Variants in CEP95 observed in about 807,000 individuals in gnomAD.
The protein encoded by CEP95 is centrosomal protein of 95 kDa.
Under a neutral mutation model 111.2 loss-of-function variants are expected in CEP95, and 98 were observed. The observed-to-expected ratio is 0.88, with a 90% CI of 0.75 to 1.04. CEP95 has a LOEUF of 1.04. CEP95 is among the 50% of genes least tolerant of loss of function. CEP95 has a pLI of 0.00. For synonymous variants in CEP95, 323 were observed against 327.1 expected (o/e 0.99, Z 0.14); for missense variants, 1,027 against 977.2 (o/e 1.05, Z -0.68).
chr17:64,528,168 A>G (rs1467675983), intron 11 of CEP95, among the ~76,000 whole-genome samples: 2 of 152,082 alleles, frequency 1.3e-5, no homozygotes, highest in Non-Finnish European at 2.9e-5. Flanking sequence ...TTGATATGCC[A>G]TTGTTCAAAT....
Position 64,521,456 on chromosome 17 carries a change from C to G in CEP95, c.644C>G (p.Ser215Cys), listed in dbSNP as rs1967330508. ...LSKKALASPS[S>C]KSHEDMLYPP... Reference sequence around the variant, plus strand: ...AAAAAAGCCTTAGCCTCACCAAGTTCTAAATCACATGAAGATATGTTGTAC... The same window carrying G: ...AAAAAAGCCTTAGCCTCACCAAGTTGTAAATCACATGAAGATATGTTGTAC... The change falls in exon 7 of 20, where the codon TCT becomes TGT. Residue 215 changes from serine (S) to cysteine (C), a missense_variant. By Grantham distance (112) the Ser-to-Cys change is moderately radical (BLOSUM62 -1). Transcript: ENST00000556440. The G allele has an allele frequency of 6.2e-7, 1 of 1,612,572 alleles. No individual in the cohort carries two copies. The highest frequency in any genetic ancestry group is 1.7e-5 in the Admixed American group (1 of 59,982).
chr17:64,523,919 A>G (rs1451514259), intron 8 of CEP95, among the ~76,000 whole-genome samples: 1 of 152,204 alleles, frequency 6.6e-6, no homozygotes, highest in Non-Finnish European at 1.5e-5. Context: ...AATAAGAAAA[A>G]CAACAGGCAG....
chr17:64,508,007 C>G, intron 1 of CEP95: 1 of 985,212 alleles, frequency 1.0e-6, no homozygotes, highest in Non-Finnish European at 1.2e-6. Flanking sequence ...CCCATATTTT[C>G]TTTCATATAG....
rs1284055630 is a variant in CEP95, at chr17:64,519,254, T to C, written c.474-67T>C. 29 of 990,976 alleles carry C rather than the reference T, an allele frequency of 2.9e-5. 1 individual carries two copies. Among genetic ancestry groups the C allele is most frequent in the Admixed American group, 2.7e-4 (14 of 51,528 alleles). 61.4% of individuals were successfully genotyped at this position (990,976 alleles called of 1,614,324 possible). A position where few individuals can be genotyped will look rare whatever the true frequency, so the allele number is the denominator to read the frequency against. ...TTCCTTTTTCTGCACCCAGCAGCTC[T>C]CCAGGTCCTCAGGGGAAGGGCCCTC... On this transcript the variant is annotated intron_variant, in intron 5 of 19. Coordinates refer to ENST00000556440, the MANE Select transcript of CEP95 (RefSeq NM_138363.3).
At chr17:64,515,212 C>CA (rs1555676092) in intron 4 of CEP95, among the ~76,000 whole-genome samples, 1 of 152,128 alleles carries the variant, frequency 6.6e-6, no homozygotes, top group African/African-American at 2.4e-5. Context: ...AGCTGCTTGT[C>CA]ATGTTGATAC....
rs115662007 is a variant in CEP95, at chr17:64,507,845, C to G, written c.19+729C>G. On this transcript the variant is annotated intron_variant, in intron 1 of 19. Coordinates refer to ENST00000556440, the MANE Select transcript of CEP95 (RefSeq NM_138363.3). ...GATTGAAAGTGCTTTCCTACCAATT[C>G]CCAGGCATTTCAAGGAACAAGTATT... 1.8e-3 allele frequency: 1,740 copies of G among 985,356 alleles called. 22 individuals carry two copies. The African/African-American group carries it at 0.028, about 16-fold the overall frequency. The allele number at this position is 985,356 out of a possible 1,614,324, so 61.0% of individuals were successfully genotyped here.
chr17:64,510,313 C>T (rs1235496652), intron 3 of CEP95, 33 bp downstream of exon 3: 4 of 1,250,164 alleles, frequency 3.2e-6, no homozygotes, highest in Admixed American at 3.7e-5. Flanking sequence ...CATAATTATG[C>T]ATTTTAGTAA....
intron 4 of CEP95, 58 bp downstream of exon 4, chr17:64,514,416 CT>C (rs1266579210): frequency 7.9e-6 from 6 of 758,658 alleles, no homozygotes; most frequent in South Asian, 7.8e-5. Context: ...TCCCTTTTGC[CT>C]TTTATCTTTT....
At chr17:64,534,295 C>T (rs921690374) in intron 16 of CEP95, 1 of 311,124 alleles carries the variant, frequency 3.2e-6, no homozygotes, top group Non-Finnish European at 6.0e-6. Context: ...GAGGTGGCAT[C>T]TGGGCCAGCC....
chr17:64,533,660 TTATA>T (rs1968444908), intron 16 of CEP95, among the ~76,000 whole-genome samples: 1 of 152,086 alleles, frequency 6.6e-6, no homozygotes, highest in Non-Finnish European at 1.5e-5. Flanking sequence ...GCTAGGTACT[TTATA>T]TACACAGTTT....
chr17:64,511,680 A>T (rs1555675098), intron 3 of CEP95, among the ~76,000 whole-genome samples: 1 of 152,238 alleles, frequency 6.6e-6, no homozygotes, highest in Non-Finnish European at 1.5e-5. Context: ...CTCGGTTTAC[A>T]AGATGACAGG....
intron 11 of CEP95, 96 bp downstream of exon 11, chr17:64,527,360 G>T: frequency 1.1e-6 from 1 of 932,140 alleles, no homozygotes; most frequent in Non-Finnish European, 1.5e-6. Context: ...ATTTTAAATA[G>T]TTGAGAAATA....
intron 6 of CEP95, among the ~76,000 whole-genome samples, chr17:64,520,785 T>C (rs1967266497): frequency 6.6e-6 from 1 of 152,234 alleles, no homozygotes; most frequent in Non-Finnish European, 1.5e-5. Flanking sequence ...CTCTGGTGTC[T>C]ATTCATACCA....
chr17:64,508,802 T>G (rs2038727592), intron 2 of CEP95, 82 bp downstream of exon 2: 1 of 562,662 alleles, frequency 1.8e-6, no homozygotes, highest in Non-Finnish European at 2.7e-6. Context: ...TCTTTGATAT[T>G]TATAAAATTT....
Position 64,507,091 on chromosome 17 carries a change from C to G in CEP95, c.-7C>G. 1 of 1,551,452 alleles carries G rather than the reference C, an allele frequency of 6.4e-7. No individual in the cohort carries two copies. Among genetic ancestry groups the G allele is most frequent in the East Asian group, 2.4e-5 (1 of 40,910 alleles). On this transcript the variant is annotated 5_prime_UTR_variant, in exon 1 of 20. Coordinates refer to ENST00000556440, the MANE Select transcript of CEP95 (RefSeq NM_138363.3). ...GTCGGAGTCCGGCGGCGACCTGCCT[C>G]TGAAACATGGCAGGCTCGGATGCTG...
At chr17:64,515,934 T>A (rs1354251802) in intron 4 of CEP95, 1 of 152,236 alleles carries the variant, frequency 6.6e-6, no homozygotes, top group Non-Finnish European at 1.5e-5. Context: ...GGGTTCTTCC[T>A]CTCACTATAT....
At chr17:64,520,036 T>C (rs1967194620) in intron 6 of CEP95, among the ~76,000 whole-genome samples, 1 of 152,094 alleles carries the variant, frequency 6.6e-6, no homozygotes, top group African/African-American at 2.4e-5. Flanking sequence ...AAACTCACCC[T>C]CCAGTAGACC....
chr17:64,529,448 T>C, intron 12 of CEP95, 21 bp downstream of exon 12: 1 of 1,612,236 alleles, frequency 6.2e-7, no homozygotes, highest in South Asian at 1.1e-5. Context: ...ATCTCTTGAC[T>C]ACCATTAAGC....
chr17:64,522,665 A>G (rs1234087335), intron 7 of CEP95, 37 bp from the exon 8 acceptor site: 2 of 1,492,328 alleles, frequency 1.3e-6, no homozygotes, highest in East Asian at 4.5e-5. Context: ...ATTTCTTAGA[A>G]TTGCATCGTA....
Sources: gnomAD v4.1 joint callset for allele counts (sites outside exome capture counted in the v4.1 genomes callset) on GRCh38, gnomAD v4.1.1 for gene constraint, MANE v1.5 for transcripts, NCBI Gene and HGNC (gene_info 2026-07-23, HGNC 2026-07-21) for gene names.